Variants in GRIA1 observed in about 807,000 individuals in gnomAD.
The protein encoded by GRIA1 is glutamate ionotropic receptor AMPA type subunit 1.
In GRIA1, 31 loss-of-function variants were observed where a neutral mutation model predicts 99.2. That is an observed-to-expected ratio of 0.31 (90% CI 0.23 to 0.42). The LOEUF is 0.42. Ranked by LOEUF, GRIA1 falls within the 10% of genes least tolerant of loss-of-function variation. The probability of loss-of-function intolerance (pLI) is 1.00; values close to 1 mark genes in which losing one functional copy is unlikely to be tolerated. For missense variants in GRIA1, 782 were observed against 1,157.5 expected, an observed-to-expected ratio of 0.68 and a Z score of 4.71; for synonymous variants, 438 against 432.4, an observed-to-expected ratio of 1.01 and a Z score of -0.16.
At chr5:153,582,038 G>A (rs112258915) in intron 2 of GRIA1, among the ~76,000 whole-genome samples, 11 of 152,294 alleles carry the variant, frequency 7.2e-5, no homozygotes, top group Admixed American at 2.0e-4. Context: ...GATCACAGGC[G>A]TAAGCCACCA....
chr5:153,812,332 G>A lies in GRIA1; in HGVS notation c.*1107G>A, dbSNP rs1368643087. 6.6e-6 allele frequency: 1 copy of A among 152,166 alleles called. No homozygotes were observed. Among genetic ancestry groups the A allele is most frequent in the Non-Finnish European group, 1.5e-5 (1 of 68,032 alleles). 9.4% of individuals were successfully genotyped at this position (152,166 alleles called of 1,614,324 possible). A position where few individuals can be genotyped will look rare whatever the true frequency, so the allele number is the denominator to read the frequency against. On this transcript the variant is annotated 3_prime_UTR_variant, in exon 16 of 16. Coordinates refer to ENST00000285900, the MANE Select transcript of GRIA1 (RefSeq NM_000827.4). Reference sequence around the variant, plus strand: ...TGACAGAATAATTTTGGAAGAGGAAGCCTCATCAAAAGCTCACACAAAATA... The same window carrying A: ...TGACAGAATAATTTTGGAAGAGGAAACCTCATCAAAAGCTCACACAAAATA...
intron 8 of GRIA1, among the ~76,000 whole-genome samples, chr5:153,693,970 T>C (rs950190347): frequency 3.3e-5 from 5 of 152,218 alleles, no homozygotes; most frequent in African/African-American, 1.2e-4. Flanking sequence ...ACATGAGGCA[T>C]AGGCATGAGG....
intron 11 of GRIA1, among the ~76,000 whole-genome samples, chr5:153,707,155 G>C (rs1054519316): frequency 6.6e-6 from 1 of 152,068 alleles, no homozygotes; most frequent in South Asian, 2.1e-4. Flanking sequence ...TTTCTCAGAG[G>C]TGCCTCAGAT....
chr5:153,498,593 G>A (rs1396691867), intron 2 of GRIA1, among the ~76,000 whole-genome samples: 3 of 152,184 alleles, frequency 2.0e-5, no homozygotes, highest in African/African-American at 4.8e-5. Context: ...CAAGACATTA[G>A]GCACTGGCAA....
At chr5:153,724,646 A>G in intron 11 of GRIA1, among the ~76,000 whole-genome samples, 1 of 152,240 alleles carries the variant, frequency 6.6e-6, no homozygotes, top group Non-Finnish European at 1.5e-5. Flanking sequence ...AAAGGGTATC[A>G]GTGATGGAAG....
intron 11 of GRIA1, among the ~76,000 whole-genome samples, chr5:153,753,603 A>G (rs144680261): frequency 6.6e-6 from 1 of 152,136 alleles, no homozygotes; most frequent in East Asian, 1.9e-4. Flanking sequence ...AGATCAGAAT[A>G]TTCCTATTTC....
At chr5:153,653,074 G>C (rs1192178169) in intron 4 of GRIA1, among the ~76,000 whole-genome samples, 1 of 152,118 alleles carries the variant, frequency 6.6e-6, no homozygotes, top group Non-Finnish European at 1.5e-5. Flanking sequence ...ATCTAAGCTC[G>C]ACGATGCCAG....
intron 2 of GRIA1, among the ~76,000 whole-genome samples, chr5:153,512,848 C>G (rs1756228168): frequency 6.6e-6 from 1 of 152,162 alleles, no homozygotes; most frequent in African/African-American, 2.4e-5. Context: ...AAGCCCTAAC[C>G]TCCAGCATGA....
At chr5:153,526,211 G>T (rs1007490101) in intron 2 of GRIA1, among the ~76,000 whole-genome samples, 1 of 152,128 alleles carries the variant, frequency 6.6e-6, no homozygotes, top group Non-Finnish European at 1.5e-5. Context: ...AAAATGTACC[G>T]CAGTTGCTCC....
At chr5:153,580,209 T>G (rs1552835) in intron 2 of GRIA1, among the ~76,000 whole-genome samples, 16,106 of 152,238 alleles carry the variant, frequency 0.11, 961 homozygotes, top group South Asian at 0.25. Context: ...GGAATCACAG[T>G]AGGAAGAGAA....
intron 2 of GRIA1, among the ~76,000 whole-genome samples, chr5:153,527,700 C>CA: frequency 6.6e-6 from 1 of 152,242 alleles, no homozygotes; most frequent in South Asian, 2.1e-4. Context: ...AGAAATATTC[C>CA]AAAAAGTGTA....
chr5:153,799,118 C>A (rs1220211772), intron 14 of GRIA1, among the ~76,000 whole-genome samples: 1 of 152,152 alleles, frequency 6.6e-6, no homozygotes, highest in African/African-American at 2.4e-5. Flanking sequence ...TTCTGGTGTG[C>A]AGCTGCTATG....
chr5:153,766,728 C>T (rs181997597), intron 12 of GRIA1, among the ~76,000 whole-genome samples: 29 of 152,260 alleles, frequency 1.9e-4, no homozygotes, highest in Admixed American at 1.8e-3. Context: ...CTTGTGGACA[C>T]ATCTAGTCTA....
chr5:153,795,324 G>C (rs1765575500), intron 14 of GRIA1, among the ~76,000 whole-genome samples: 1 of 152,180 alleles, frequency 6.6e-6, no homozygotes, highest in African/African-American at 2.4e-5. Flanking sequence ...GCAGTGACAT[G>C]GTGGGGCGGG....
chr5:153,717,926 A>AC (rs1759780519), intron 11 of GRIA1, among the ~76,000 whole-genome samples: 1 of 151,708 alleles, frequency 6.6e-6, no homozygotes, highest in African/African-American at 2.4e-5. Context: ...CTGGCTGGGG[A>AC]CCCCCCTGAG....
intron 4 of GRIA1, among the ~76,000 whole-genome samples, chr5:153,650,828 G>A (rs1188877174): frequency 6.8e-6 from 1 of 146,676 alleles, no homozygotes; most frequent in Non-Finnish European, 1.5e-5. Context: ...GGAGACTGAG[G>A]CAGGCGGATC....
chr5:153,753,697 A>C (rs1762636664), intron 11 of GRIA1, among the ~76,000 whole-genome samples: 1 of 109,572 alleles, frequency 9.1e-6, no homozygotes, highest in Non-Finnish European at 1.9e-5. Flanking sequence ...CCAATTCTGC[A>C]GGAAAAAAAA....
At chr5:153,692,211 C>T (rs34144562) in intron 8 of GRIA1, among the ~76,000 whole-genome samples, 14,207 of 152,222 alleles carry the variant, frequency 0.093, 813 homozygotes, top group Non-Finnish European at 0.12. Context: ...TGACCAAGCA[C>T]TTTTAAAGTC....
chr5:153,776,816 T>A (rs2926848), intron 13 of GRIA1, among the ~76,000 whole-genome samples: 57,490 of 151,990 alleles, frequency 0.38, 11,972 homozygotes, highest in East Asian at 0.93. Flanking sequence ...TTTCAGGGAC[T>A]GAGGGTTTCC....
Sources: gnomAD v4.1 joint callset for allele counts (sites outside exome capture counted in the v4.1 genomes callset) on GRCh38, gnomAD v4.1.1 for gene constraint, MANE v1.5 for transcripts, NCBI Gene and HGNC (gene_info 2026-07-23, HGNC 2026-07-21) for gene names.